FBXO25: variants seen among roughly 807,000 people sequenced by gnomAD.
FBXO25 encodes F-box protein 25.
In FBXO25, 45 loss-of-function variants were observed where a neutral mutation model predicts 51.9. The ratio of observed to expected loss-of-function variants is 0.87; its 90% confidence interval spans 0.68 to 1.11. The LOEUF (loss-of-function observed/expected upper bound fraction) is 1.11, where lower values mean the gene tolerates loss of function less well. Ranked by LOEUF, FBXO25 falls within the 50% of genes most tolerant of loss-of-function variation. The probability of loss-of-function intolerance (pLI) is 0.00; values close to 1 mark genes in which losing one functional copy is unlikely to be tolerated. For synonymous variants in FBXO25, 199 were observed against 151.0 expected, an observed-to-expected ratio of 1.32 and a Z score of -2.33; for missense variants, 507 against 428.5, an observed-to-expected ratio of 1.18 and a Z score of -1.62.
intron 2 of FBXO25, among the ~76,000 whole-genome samples, chr8:419,758 G>T (rs1480663229): frequency 6.6e-6 from 1 of 152,056 alleles, no homozygotes; most frequent in African/African-American, 2.4e-5. Flanking sequence ...AGAGTTTTTA[G>T]ATACGATACC....
At chr8:427,026 G>A (rs1255113859) in intron 2 of FBXO25, among the ~76,000 whole-genome samples, 5 of 152,080 alleles carry the variant, frequency 3.3e-5, no homozygotes, top group African/African-American at 1.2e-4. Flanking sequence ...ACACTGATAC[G>A]AAGTAGCTTT....
rs572044488 is a variant in FBXO25, at chr8:470,545, GT to G, written c.*1748del. 1.0e-3 allele frequency: 155 copies of G among 151,898 alleles called. No homozygotes were observed. Among genetic ancestry groups the G allele is most frequent in the African/African-American group, 3.6e-3 (151 of 41,410 alleles). The allele number at this position is 151,898 out of a possible 1,614,324, so 9.4% of individuals were successfully genotyped here. ...CAGGCATATACCACCATGCTCAGCT[GT>G]TTTTTTGTATTTTTAGTAGAGATGG... is the stretch of plus-strand genomic sequence containing the variant. On this transcript the variant is annotated 3_prime_UTR_variant, in exon 10 of 10. Coordinates refer to ENST00000350302, the MANE Select transcript of FBXO25 (RefSeq NM_183420.2).
In FBXO25 at chr8:413,115, A is replaced by T. The variant is rs369217867; in HGVS notation, c.36A>T (p.Gly12=). The change falls in exon 2 of 10, where the codon GGA becomes GGT. Residue 12 remains glycine (G), a synonymous_variant. Transcript: ENST00000350302. ...TGGGTCAGGACTGGAGATCTCCTGGATGGAGTTGGATTAAGACAGAAGATG... is the reference window on the plus strand; with the variant it reads ...TGGGTCAGGACTGGAGATCTCCTGGTTGGAGTTGGATTAAGACAGAAGATG... ...PFLGQDWRSP[G]WSWIKTEDGW... 1 of 1,603,064 alleles carries T rather than the reference A, an allele frequency of 6.2e-7. No homozygotes were observed. The highest frequency in any genetic ancestry group is 1.3e-5 in the African/African-American group (1 of 74,120).
intron 1 of FBXO25, among the ~76,000 whole-genome samples, chr8:412,292 G>T (rs1020737801): frequency 6.6e-6 from 1 of 152,054 alleles, no homozygotes; most frequent in Non-Finnish European, 1.5e-5. Flanking sequence ...ACAAAATCTA[G>T]ATAACTTCCT....
At position 458,460 on chromosome 8, in the gene FBXO25, C is replaced by T. The variant is rs777574296; in HGVS notation, c.752C>T (p.Thr251Ile). Residue 251 changes from threonine to isoleucine, a missense_variant, in exon 8 of 10, where the codon ACC becomes ATC. By Grantham distance (89) the Thr-to-Ile change is moderately conservative (BLOSUM62 -1). Coordinates refer to ENST00000350302, the MANE Select transcript of FBXO25 (RefSeq NM_183420.2). ...TTCTCAGACGGATGGGACATCATCA[C>T]CTTAGGCCAGGTGACCCCCACGTTG... ...YRFSDGWDIITLGQVTPTLYM... is the reference protein window; with the variant it reads ...YRFSDGWDIIILGQVTPTLYM... The T allele has an allele frequency of 3.1e-6, 5 of 1,614,214 alleles. No individual in the cohort carries two copies. The highest frequency in any genetic ancestry group is 3.4e-6 in the Non-Finnish European group (4 of 1,180,046).
At chr8:467,812 T>C in intron 9 of FBXO25, 15 of 1,603,440 alleles carry the variant, frequency 9.4e-6, no homozygotes, top group Non-Finnish European at 1.3e-5. Context: ...CTGCATCTCA[T>C]GCACGTCATC....
intron 4 of FBXO25, among the ~76,000 whole-genome samples, chr8:433,377 G>A (rs1346796328): frequency 6.6e-6 from 1 of 152,144 alleles, no homozygotes; most frequent in Non-Finnish European, 1.5e-5. Flanking sequence ...GCAGTCATAC[G>A]CATTTTCTCT....
At chr8:415,110 C>T (rs1472446660) in intron 2 of FBXO25, among the ~76,000 whole-genome samples, 1 of 152,134 alleles carries the variant, frequency 6.6e-6, no homozygotes, top group Non-Finnish European at 1.5e-5. Flanking sequence ...CTTCTCTTTC[C>T]CCCACATGTC....
chr8:447,023 T>C (rs1206663570), intron 5 of FBXO25, among the ~76,000 whole-genome samples: 3 of 152,150 alleles, frequency 2.0e-5, no homozygotes, highest in African/African-American at 7.2e-5. Context: ...GCCTGGGCAG[T>C]GATACTATAG....
At position 469,807 on chromosome 8, in the gene FBXO25, G is replaced by C. The variant is rs1483927040; in HGVS notation, c.*1003G>C. 1 of 152,102 alleles carries C rather than the reference G, an allele frequency of 6.6e-6. No homozygotes were observed. The highest frequency in any genetic ancestry group is 1.5e-5 in the Non-Finnish European group (1 of 68,022). 9.4% of individuals were successfully genotyped at this position (152,102 alleles called of 1,614,324 possible). A position where few individuals can be genotyped will look rare whatever the true frequency, so the allele number is the denominator to read the frequency against. ...TTCCATTTTTGAATAGGGTCAAGGAGCCCAAGCAAATCATTTCTACTTTTT... is the reference window on the plus strand; with the variant it reads ...TTCCATTTTTGAATAGGGTCAAGGACCCCAAGCAAATCATTTCTACTTTTT... On this transcript the variant is annotated 3_prime_UTR_variant, in exon 10 of 10. Transcript: ENST00000350302.
chr8:455,699 C>T (rs1191050853), intron 7 of FBXO25, among the ~76,000 whole-genome samples: 1 of 152,264 alleles, frequency 6.6e-6, no homozygotes, highest in Non-Finnish European at 1.5e-5. Flanking sequence ...TATCCTAAAG[C>T]AAGAGAAGCA....
intron 2 of FBXO25, 53 bp from the exon 3 acceptor site, chr8:431,288 C>T: frequency 1.0e-6 from 1 of 977,414 alleles, no homozygotes; most frequent in South Asian, 1.5e-5. Context: ...AAAGAAAAGC[C>T]AAATGAAGAT....
intron 2 of FBXO25, among the ~76,000 whole-genome samples, chr8:416,163 C>T (rs1319455258): frequency 2.6e-5 from 4 of 152,196 alleles, no homozygotes; most frequent in African/African-American, 7.2e-5. Flanking sequence ...TGCTATGTGC[C>T]GGTAGGGCCC....
intron 2 of FBXO25, among the ~76,000 whole-genome samples, chr8:414,504 G>C (rs1311476226): frequency 1.3e-5 from 2 of 152,144 alleles, no homozygotes; most frequent in Non-Finnish European, 2.9e-5. Flanking sequence ...CAGTGTTACT[G>C]CTGCATCTGC....
At chr8:459,248 G>C (rs987293127) in intron 8 of FBXO25, among the ~76,000 whole-genome samples, 13 of 152,220 alleles carry the variant, frequency 8.5e-5, no homozygotes, top group African/African-American at 3.1e-4. Flanking sequence ...GCTCCTCGTG[G>C]GGTGTGATTT....
At chr8:423,354 A>G (rs1797270848) in intron 2 of FBXO25, among the ~76,000 whole-genome samples, 1 of 152,150 alleles carries the variant, frequency 6.6e-6, no homozygotes, top group South Asian at 2.1e-4. Flanking sequence ...TTGTTACATG[A>G]AAATATTGCA....
At chr8:440,824 A>G (rs1157630375) in intron 5 of FBXO25, among the ~76,000 whole-genome samples, 3 of 146,032 alleles carry the variant, frequency 2.1e-5, no homozygotes, top group East Asian at 2.0e-4. Flanking sequence ...ACTTATGAAT[A>G]AGAACATGTG....
At chr8:454,595 G>A (rs1421026360) in intron 7 of FBXO25, among the ~76,000 whole-genome samples, 2 of 152,156 alleles carry the variant, frequency 1.3e-5, no homozygotes, top group Non-Finnish European at 1.5e-5. Flanking sequence ...TGTTTTAGGT[G>A]GAGCTTAAAG....
intron 1 of FBXO25, among the ~76,000 whole-genome samples, chr8:412,795 C>T (rs1263907840): frequency 6.6e-6 from 1 of 152,168 alleles, no homozygotes; most frequent in Non-Finnish European, 1.5e-5. Flanking sequence ...CTGACCCCTG[C>T]TTGTTTTTCA....
Sources: allele counts gnomAD v4.1 joint callset (sites outside exome capture counted in the v4.1 genomes callset), GRCh38; gene constraint gnomAD v4.1.1; transcripts MANE v1.5; gene names NCBI Gene and HGNC (gene_info 2026-07-23, HGNC 2026-07-21).